CTDSPL2: variants seen among roughly 807,000 people sequenced by gnomAD.
CTDSPL2 encodes CTD small phosphatase like 2.
In CTDSPL2, 5 loss-of-function variants were observed where a neutral mutation model predicts 60.0. That is an observed-to-expected ratio of 0.08 (90% CI 0.04 to 0.18). CTDSPL2 has a LOEUF of 0.18. Among genes scored for constraint, CTDSPL2 ranks in the 10% least tolerant of loss-of-function variants. The probability of loss-of-function intolerance (pLI) is 1.00; values close to 1 mark genes in which losing one functional copy is unlikely to be tolerated. For synonymous variants in CTDSPL2, 186 were observed against 189.3 expected (o/e 0.98, Z 0.14); for missense variants, 370 against 548.8 (o/e 0.67, Z 3.26).
At chr15:44,449,649 G>GT (rs1449185551) in intron 1 of CTDSPL2, among the ~76,000 whole-genome samples, 2 of 151,614 alleles carry the variant, frequency 1.3e-5, no homozygotes, top group African/African-American at 4.8e-5. Flanking sequence ...GTATAAGGAA[G>GT]TTTTTTGATT....
intron 1 of CTDSPL2, among the ~76,000 whole-genome samples, chr15:44,434,922 A>G (rs537951009): frequency 1.3e-4 from 20 of 152,308 alleles, no homozygotes; most frequent in Admixed American, 1.3e-4. Flanking sequence ...TTGATGATCC[A>G]GAAAGACCAC....
intron 4 of CTDSPL2, 56 bp downstream of exon 4, chr15:44,486,756 G>GT: frequency 2.6e-6 from 3 of 1,166,810 alleles, no homozygotes; most frequent in East Asian, 2.7e-5. Context: ...TGCATAGTTT[G>GT]GGTTTTTTTT....
chr15:44,473,120 T>A (rs2140746663), intron 2 of CTDSPL2, among the ~76,000 whole-genome samples: 1 of 152,002 alleles, frequency 6.6e-6, no homozygotes, highest in Middle Eastern at 3.4e-3. Context: ...ATAATCTAGA[T>A]ACAAGTCCCT....
rs137860193 is a variant in CTDSPL2, at chr15:44,493,326, C to A, written c.691+2327C>A. Among the ~76,000 whole-genome samples the A allele has an allele frequency of 1.9e-3, 296 of 152,154 alleles. 1 individual carries two copies. Among genetic ancestry groups the A allele is most frequent in the African/African-American group, 6.7e-3 (280 of 41,514 alleles). ...CTTTTCCTTAACTTTGAGAACATAG[C>A]CAAAGAGAACAAGAAGGTAGGAAGC... On this transcript the variant is annotated intron_variant, in intron 5 of 12. Transcript: ENST00000260327.
intron 11 of CTDSPL2, 172 bp from the exon 12 acceptor site, chr15:44,521,139 A>T (rs979099767): frequency 5.4e-6 from 2 of 373,518 alleles, no homozygotes; most frequent in Non-Finnish European, 9.5e-6. Flanking sequence ...TTATTTCCTT[A>T]TCCTCTGTCT....
chr15:44,439,385 G>A (rs2080038088), intron 1 of CTDSPL2, among the ~76,000 whole-genome samples: 1 of 151,904 alleles, frequency 6.6e-6, no homozygotes, highest in Non-Finnish European at 1.5e-5. Context: ...CTGACCTTGT[G>A]ATCTGCCTGC....
intron 1 of CTDSPL2, among the ~76,000 whole-genome samples, chr15:44,440,434 G>A (rs931928483): frequency 2.6e-5 from 4 of 152,090 alleles, no homozygotes; most frequent in Non-Finnish European, 4.4e-5. Flanking sequence ...GACCTCAGGT[G>A]ATCTGCCTGC....
intron 10 of CTDSPL2, chr15:44,518,958 G>T: frequency 3.1e-6 from 1 of 323,082 alleles, no homozygotes; most frequent in Non-Finnish European, 5.7e-6. Context: ...TTAAGGCATA[G>T]TAATATTTGG....
intron 10 of CTDSPL2, among the ~76,000 whole-genome samples, chr15:44,515,692 G>A (rs1315502574): frequency 6.6e-6 from 1 of 152,064 alleles, no homozygotes; most frequent in Non-Finnish European, 1.5e-5. Flanking sequence ...CCAATATGGA[G>A]AAACCCCGTG....
At chr15:44,437,010 TAC>T (rs1367528238) in intron 1 of CTDSPL2, among the ~76,000 whole-genome samples, 4 of 152,338 alleles carry the variant, frequency 2.6e-5, no homozygotes, top group African/African-American at 9.6e-5. Flanking sequence ...ATAAGTACCT[TAC>T]ACACATAGTC....
intron 1 of CTDSPL2, among the ~76,000 whole-genome samples, chr15:44,433,139 AC>A (rs1440764878): frequency 4.0e-5 from 6 of 151,020 alleles, no homozygotes; most frequent in Non-Finnish European, 8.9e-5. Context: ...ACATGGCGAA[AC>A]CCTGTCTCTA....
At chr15:44,428,262 A>G (rs775378488) in intron 1 of CTDSPL2, among the ~76,000 whole-genome samples, 7 of 152,264 alleles carry the variant, frequency 4.6e-5, no homozygotes, top group Non-Finnish European at 8.8e-5. Context: ...AGTTCTGTTT[A>G]TCTTTTGTAC....
chr15:44,482,283 G>A (rs1311002420), intron 2 of CTDSPL2, among the ~76,000 whole-genome samples: 3 of 152,112 alleles, frequency 2.0e-5, no homozygotes, highest in Non-Finnish European at 4.4e-5. Context: ...TTACAGGCAT[G>A]TGTCACCAAG....
Position 44,526,241 on chromosome 15 carries a change from A to AT in CTDSPL2, c.*2068dup, listed in dbSNP as rs1403806814. The stretch of plus-strand genomic sequence containing the variant: ...ATTTCTCCCTGCTCCCTTCCTTTTT[A>AT]TGCTCAAACAGCGAAACCCAAAACT... On this transcript the variant is annotated 3_prime_UTR_variant, in exon 13 of 13. Coordinates refer to ENST00000260327, the MANE Select transcript of CTDSPL2 (RefSeq NM_016396.3). The AT allele has an allele frequency of 6.6e-6, 1 of 152,004 alleles. No individual in the cohort carries two copies. Among genetic ancestry groups the AT allele is most frequent in the African/African-American group, 2.4e-5 (1 of 41,408 alleles). 9.4% of individuals were successfully genotyped at this position (152,004 alleles called of 1,614,324 possible). A position where few individuals can be genotyped will look rare whatever the true frequency, so the allele number is the denominator to read the frequency against.
At chr15:44,512,160 C>T (rs1252674839) in intron 8 of CTDSPL2, among the ~76,000 whole-genome samples, 2 of 151,752 alleles carry the variant, frequency 1.3e-5, no homozygotes, top group Admixed American at 1.3e-4. Context: ...TGCACCACTG[C>T]ACTCCAACCT....
intron 1 of CTDSPL2, among the ~76,000 whole-genome samples, chr15:44,446,046 C>T (rs550629538): frequency 6.6e-6 from 1 of 151,772 alleles, no homozygotes; most frequent in Admixed American, 6.6e-5. Context: ...CTGCCTCAGC[C>T]TCCCAAGTAG....
At chr15:44,441,240 C>A (rs1398391399) in intron 1 of CTDSPL2, among the ~76,000 whole-genome samples, 1 of 152,082 alleles carries the variant, frequency 6.6e-6, no homozygotes, top group East Asian at 1.9e-4. Flanking sequence ...TTCTTTCACT[C>A]CCCCGCATTC....
intron 1 of CTDSPL2, among the ~76,000 whole-genome samples, chr15:44,440,669 T>TA (rs1368392378): frequency 6.6e-6 from 1 of 152,216 alleles, no homozygotes; most frequent in African/African-American, 2.4e-5. Flanking sequence ...ATTTTTTTTT[T>TA]AATTCATCTT....
In CTDSPL2 at chr15:44,524,304, C is replaced by A; in HGVS notation, c.*130C>A. On this transcript the variant is annotated 3_prime_UTR_variant, in exon 13 of 13. Coordinates refer to ENST00000260327, the MANE Select transcript of CTDSPL2 (RefSeq NM_016396.3). Reference sequence around the variant, plus strand: ...CGTCTTGCTTTTCTTATCTTTGGTGCCCAATAATAATTAAGGGTTACAGAA... The same window carrying A: ...CGTCTTGCTTTTCTTATCTTTGGTGACCAATAATAATTAAGGGTTACAGAA... The A allele has an allele frequency of 1.4e-6, 1 of 694,576 alleles. No homozygotes were observed. The highest frequency in any genetic ancestry group is 2.6e-6 in the Non-Finnish European group (1 of 391,896). The allele number at this position is 694,576 out of a possible 1,614,324, so 43.0% of individuals were successfully genotyped here.
Sources: allele counts gnomAD v4.1 joint callset (sites outside exome capture counted in the v4.1 genomes callset), GRCh38; gene constraint gnomAD v4.1.1; transcripts MANE v1.5; gene names NCBI Gene and HGNC (gene_info 2026-07-23, HGNC 2026-07-21).